Variants in RASAL3 observed in about 807,000 individuals in gnomAD.
RASAL3 encodes the protein RAS protein activator like 3, also known as RAS protein activator like-3.
Under a neutral mutation model 105.5 loss-of-function variants are expected in RASAL3, and 74 were observed. The ratio of observed to expected loss-of-function variants is 0.70; its 90% CI spans 0.58 to 0.85. The LOEUF is 0.85. RASAL3 is among the 40% of genes least tolerant of loss of function. The pLI is 0.00. For synonymous variants in RASAL3, 579 were observed against 591.6 expected (o/e 0.98, Z 0.31); for missense variants, 1,352 against 1,392.0 (o/e 0.97, Z 0.46).
At position 15,457,193 on chromosome 19, in the gene RASAL3, ATTACAGG is replaced by A; in HGVS notation, c.1431+92_1431+98del. On this transcript the variant is annotated intron_variant, in intron 9 of 17. Coordinates refer to ENST00000343625, the MANE Select transcript of RASAL3 (RefSeq NM_022904.3). This position sits in a 1 kb window ranked among gnomAD's most constrained non-coding sequence, Gnocchi z 8.6. ...CACACCCCTTCAAGGTGTCTCCCCC[ATTACAGG>A]TGCAACTCAGGTCCTGCGCCCCAAC... 1 of 1,015,366 alleles carries A rather than the reference ATTACAGG, an allele frequency of 9.8e-7. No homozygotes were observed. Among genetic ancestry groups the A allele is most frequent in the Non-Finnish European group, 1.3e-6 (1 of 791,296 alleles). 62.9% of individuals were successfully genotyped at this position (1,015,366 alleles called of 1,614,324 possible). A position where few individuals can be genotyped will look rare whatever the true frequency, so the allele number is the denominator to read the frequency against.
Position 15,456,431 on chromosome 19 carries a change from G to C in RASAL3, c.1576+71C>G. ...ACTACCAGAATCCAGGTTGCTCAAG[G>C]ACTCTTAGAACTTCACCCAGGTCCC... is the stretch of plus-strand genomic sequence containing the variant. On this transcript the variant is annotated intron_variant, in intron 10 of 17. Transcript: ENST00000343625. This position sits in a 1 kb window ranked among gnomAD's most constrained non-coding sequence, Gnocchi z 4.4. 6.3e-7 allele frequency: 1 copy of C among 1,584,260 alleles called. No individual in the cohort carries two copies. The highest frequency in any genetic ancestry group is 8.6e-7 in the Non-Finnish European group (1 of 1,161,874).
In RASAL3 at chr19:15,451,846, C is replaced by G; in HGVS notation, c.2985G>C (p.Trp995Cys). 1 of 1,607,948 alleles carries G rather than the reference C, an allele frequency of 6.2e-7. No individual in the cohort carries two copies. Reference protein sequence around the residue: ...LQLSPRTRGSWSQPQPLKAPC... With the variant: ...LQLSPRTRGSCSQPQPLKAPC... ...GTGCTTTGAGGGGCTGGGGTTGACT[C>G]CAAGACCCCCGCGTCCTTGGAGAAA... The change falls in exon 18 of 18, where the codon TGG becomes TGC. Residue 995 changes from tryptophan (W) to cysteine (C), a missense_variant. Trp to Cys is a radical substitution (Grantham distance 215, BLOSUM62 -2). This residue lies in a region of RASAL3 where 920 missense variants were observed against 919.6 expected (regional missense o/e 1.00). Coordinates refer to ENST00000343625, the MANE Select transcript of RASAL3 (RefSeq NM_022904.3).
At chr19:15,462,961 T>A (rs1014294327) in intron 2 of RASAL3, among the ~76,000 whole-genome samples, 7 of 151,032 alleles carry the variant, frequency 4.6e-5, no homozygotes, top group South Asian at 2.1e-4. Flanking sequence ...AAAAAAAAAA[T>A]AAAAAAAATG....
At chr19:15,452,897 C>T in intron 15 of RASAL3, 82 bp from the exon 16 acceptor site, 1 of 1,468,934 alleles carries the variant, frequency 6.8e-7, no homozygotes, top group Non-Finnish European at 9.1e-7. Context: ...CAGGCCCAAG[C>T]GCTCAGCGTC....
Position 15,456,765 on chromosome 19 carries a change from G to C in RASAL3, c.1432-119C>G. 1 of 1,221,772 alleles carries C rather than the reference G, an allele frequency of 8.2e-7. No homozygotes were observed. The highest frequency in any genetic ancestry group is 1.1e-6 in the Non-Finnish European group (1 of 879,574). The allele number at this position is 1,221,772 out of a possible 1,614,324, so 75.7% of individuals were successfully genotyped here. A position where few individuals can be genotyped will look rare whatever the true frequency, so the allele number is the denominator to read the frequency against. ...CCCGCCCCTTGTAGCTGATGCTTAG[G>C]CCCAGTCCTTACTGCTGGGGCTCAT... On this transcript the variant is annotated intron_variant, in intron 9 of 17. Transcript: ENST00000343625. The surrounding 1 kb of genome is among the most constrained non-coding windows in gnomAD (Gnocchi z 4.4).
chr19:15,454,414 G>C lies in RASAL3; in HGVS notation c.2107C>G (p.Gln703Glu). The change falls in exon 13 of 18, where the codon CAG becomes GAG. Residue 703 changes from glutamine (Q) to glutamate (E), a missense_variant. Coordinates refer to ENST00000343625, the MANE Select transcript of RASAL3 (RefSeq NM_022904.3). ...AGCTGGGCATGCAGGACAGCTAACTGGAGGGCCAGATCACCACTGCCCTGG... is the reference window on the plus strand; with the variant it reads ...AGCTGGGCATGCAGGACAGCTAACTCGAGGGCCAGATCACCACTGCCCTGG... ...GYQGSGDLAL[Q>E]LAVLHAQLCT... 1 of 1,613,958 alleles carries C rather than the reference G, an allele frequency of 6.2e-7. No individual in the cohort carries two copies. The highest frequency in any genetic ancestry group is 8.5e-7 in the Non-Finnish European group (1 of 1,179,860).
intron 2 of RASAL3, 91 bp downstream of exon 2, chr19:15,463,940 G>C: frequency 8.2e-7 from 1 of 1,219,888 alleles, no homozygotes; most frequent in South Asian, 1.6e-5. Flanking sequence ...ACAACTTCCT[G>C]TGTCTGTATG....
chr19:15,460,969 C>G, intron 5 of RASAL3, 91 bp downstream of exon 5: 1 of 1,214,858 alleles, frequency 8.2e-7, no homozygotes. Flanking sequence ...GCAACCTGCT[C>G]CAGATCACCC....
Position 15,451,880 on chromosome 19 carries a change from C to G in RASAL3, c.2951G>C (p.Ser984Thr). 2 of 1,609,754 alleles carry G rather than the reference C, an allele frequency of 1.2e-6. No homozygotes were observed. Among genetic ancestry groups the G allele is most frequent in the African/African-American group, 1.3e-5 (1 of 74,982 alleles). The change falls in exon 18 of 18, where the codon AGC becomes ACC. Residue 984 changes from serine (S) to threonine (T), a missense_variant. This residue lies in a region of RASAL3 where 920 missense variants were observed against 919.6 expected (regional missense o/e 1.00). Transcript: ENST00000343625. ...CCGCGTCCTTGGAGAAAGCTGCAGG[C>G]TCTGGACAGCATCCCTCAGCTGAGC... The part of the protein sequence containing the change: ...TQAQLRDAVQ[S>T]LQLSPRTRGS...
In RASAL3 at chr19:15,458,623, A is replaced by G; in HGVS notation, c.695T>C (p.Leu232Pro). 1 of 1,613,554 alleles carries G rather than the reference A, an allele frequency of 6.2e-7. No individual in the cohort carries two copies. The highest frequency in any genetic ancestry group is 8.5e-7 in the Non-Finnish European group (1 of 1,179,730). ...CAGGTCCAGTTCAGAGAGTGTGGCC[A>G]GCGACTCCCTAGAGCCCAGAGCACT... is the stretch of plus-strand genomic sequence containing the variant. ...PPSALGSRES[L>P]ATLSELDLGA... The change falls in exon 7 of 18, where the codon CTG (leucine) becomes CCG (proline). Residue 232 changes from leucine (L) to proline (P), a missense_variant. This residue lies in a region of RASAL3 where 344 missense variants were observed against 339.6 expected (regional missense o/e 1.01). Transcript: ENST00000343625.
In RASAL3 at chr19:15,458,635, G is replaced by A; in HGVS notation, c.683C>T (p.Ser228Phe). The A allele has an allele frequency of 6.2e-7, 1 of 1,613,346 alleles. No homozygotes were observed. Among genetic ancestry groups the A allele is most frequent in the African/African-American group, 1.3e-5 (1 of 75,022 alleles). ...AGAGAGTGTGGCCAGCGACTCCCTAGAGCCCAGAGCACTGGGGGGTCTGGG... is the reference window on the plus strand; with the variant it reads ...AGAGAGTGTGGCCAGCGACTCCCTAAAGCCCAGAGCACTGGGGGGTCTGGG... Reference protein sequence around the residue: ...PRDGPPSALGSRESLATLSEL... With the variant: ...PRDGPPSALGFRESLATLSEL... Residue 228 changes from serine (S) to phenylalanine (F), a missense_variant, in exon 7 of 18, where the codon TCT becomes TTT. By Grantham distance (155) the Ser-to-Phe change is radical. Around this residue, in one of 3 missense-constraint regions of RASAL3, gnomAD observed 344 missense variants for 339.6 expected, o/e 1.01. Coordinates refer to ENST00000343625, the MANE Select transcript of RASAL3 (RefSeq NM_022904.3).
chr19:15,458,778 C>G, intron 6 of RASAL3, 123 bp from the exon 7 acceptor site: 1 of 1,185,522 alleles, frequency 8.4e-7, no homozygotes, highest in East Asian at 2.7e-5. Context: ...TCCCCCGTGC[C>G]CCCCCCACCC....
chr19:15,464,125 T>C lies in RASAL3; in HGVS notation c.234A>G (p.Ser78=). ...RRVLSAPPKE[S]RTSRLRLSKA... ...TGGAGAGTCGAAGGCGACTGGTCCG[T>C]GACTCCTTGGGAGGCGCAGATAGGA... Residue 78 remains serine (S), a synonymous_variant, in exon 2 of 18, where the codon TCA becomes TCG. Transcript: ENST00000343625. 6.2e-7 allele frequency: 1 copy of C among 1,613,576 alleles called. No individual in the cohort carries two copies.
Position 15,456,145 on chromosome 19 carries a change from G to T in RASAL3, c.1680C>A (p.Asn560Lys), listed in dbSNP as rs771264060. ...ELPEHQARLR[N>K]SCEEVFETII... is the part of the protein sequence containing the mutation. The stretch of plus-strand genomic sequence containing the variant: ...TGGTTTCGAAGACCTCCTCGCAGCT[G>T]TTCCGAAGTCTGGCCTGGTGCTCTG... Residue 560 changes from asparagine to lysine, a missense_variant, in exon 11 of 18, where the codon AAC becomes AAA. By Grantham distance (94) the Asn-to-Lys change is moderately conservative. Transcript: ENST00000343625. This position sits in a 1 kb window ranked among gnomAD's most constrained non-coding sequence, Gnocchi z 4.4. The T allele has an allele frequency of 6.2e-7, 1 of 1,613,892 alleles. No individual in the cohort carries two copies. Among genetic ancestry groups the T allele is most frequent in the Admixed American group, 1.7e-5 (1 of 60,004 alleles).
At chr19:15,452,273 G>T in intron 16 of RASAL3, 165 bp from the exon 17 acceptor site, 1 of 680,542 alleles carries the variant, frequency 1.5e-6, no homozygotes, top group Non-Finnish European at 2.6e-6. Context: ...TCGGACCAGA[G>T]ACGGGAATGG....
In RASAL3 at chr19:15,456,985, AG is replaced by A. The variant is rs1415036564; in HGVS notation, c.1431+306del. ...CCCCTCACAGCTGAAGCTCAGGCCC[AG>A]TCCTTCAAGGTGCCCCGCCCCTTAC... On this transcript the variant is annotated intron_variant, in intron 9 of 17. Coordinates refer to ENST00000343625, the MANE Select transcript of RASAL3 (RefSeq NM_022904.3). This position sits in a 1 kb window ranked among gnomAD's most constrained non-coding sequence, Gnocchi z 4.4. 19 of 447,558 alleles carry A rather than the reference AG, an allele frequency of 4.2e-5. No homozygotes were observed. Among genetic ancestry groups the A allele is most frequent in the Non-Finnish European group, 6.4e-5 (16 of 248,944 alleles). The allele number at this position is 447,558 out of a possible 1,614,324, so 27.7% of individuals were successfully genotyped here.
chr19:15,458,753 T>C, intron 6 of RASAL3, 98 bp from the exon 7 acceptor site: 15 of 1,462,878 alleles, frequency 1.0e-5, no homozygotes, highest in African/African-American at 1.4e-5. Context: ...TTCAACCCAA[T>C]TCGGATCCCG....
At position 15,454,146 on chromosome 19, in the gene RASAL3, T is replaced by A. The variant is rs1394711347; in HGVS notation, c.2279+3A>T. Reference sequence around the variant, plus strand: ...TCAGACCCCAGACCAGACTTGAGGTTACCTGGAGTGGACCTGGGCCGGGGG... The same window carrying A: ...TCAGACCCCAGACCAGACTTGAGGTAACCTGGAGTGGACCTGGGCCGGGGG... On this transcript the variant is annotated splice_donor_region_variant and intron_variant, in intron 14 of 17. Transcript: ENST00000343625. 1.3e-6 allele frequency: 2 copies of A among 1,554,218 alleles called. No homozygotes were observed. The highest frequency in any genetic ancestry group is 1.7e-6 in the Non-Finnish European group (2 of 1,147,754).
Position 15,457,400 on chromosome 19 carries a change from GA to G in RASAL3, c.1322del (p.Phe441SerfsTer40), listed in dbSNP as rs1403207432. The stretch of plus-strand genomic sequence containing the variant: ...GGGCCCCGCAGAGGCGCGCATAGTG[GA>G]AGGTGAGGAACTCCGCCAGCTCCTT... ...RYKELAEFLT[F>X]HYARLCGALE... On this transcript the variant is annotated frameshift_variant, in exon 9 of 18. Coordinates refer to ENST00000343625, the MANE Select transcript of RASAL3 (RefSeq NM_022904.3). LOFTEE classifies it high-confidence loss of function. This position sits in a 1 kb window ranked among gnomAD's most constrained non-coding sequence, Gnocchi z 8.6. 2 of 1,450,146 alleles carry G rather than the reference GA, an allele frequency of 1.4e-6. No homozygotes were observed. Among genetic ancestry groups the G allele is most frequent in the Admixed American group, 2.6e-5 (1 of 38,932 alleles). 89.8% of individuals were successfully genotyped at this position (1,450,146 alleles called of 1,614,324 possible). A position where few individuals can be genotyped will look rare whatever the true frequency, so the allele number is the denominator to read the frequency against.
Sources: allele counts gnomAD v4.1 joint callset (sites outside exome capture counted in the v4.1 genomes callset), GRCh38; gene constraint gnomAD v4.1.1; regional missense constraint gnomAD v4.1.1; non-coding constraint Gnocchi (gnomAD v3.1); transcripts MANE v1.5; gene names NCBI Gene and HGNC (gene_info 2026-07-23, HGNC 2026-07-21).